Variants in BARX2 observed in about 807,000 individuals in gnomAD.
BARX2 encodes the protein BARX homeobox 2.
Under a neutral mutation model 25.5 loss-of-function variants are expected in BARX2, and 11 were observed. The observed-to-expected ratio is 0.43, with a 90% CI of 0.27 to 0.71. The LOEUF (loss-of-function observed/expected upper bound fraction) is 0.71. Among genes scored for constraint, BARX2 ranks in the 30% least tolerant of loss-of-function variants. BARX2 has a pLI of 0.19. For synonymous variants in BARX2, 137 were observed against 149.5 expected (o/e 0.92, Z 0.61); for missense variants, 360 against 359.9 (o/e 1.00, Z 0.00).
At chr11:129,378,665 A>G (rs1430325095) in intron 1 of BARX2, among the ~76,000 whole-genome samples, 1 of 150,232 alleles carries the variant, frequency 6.7e-6, no homozygotes, top group African/African-American at 2.4e-5. Flanking sequence ...TTGGAATTAA[A>G]GTTACTGAAC....
chr11:129,402,496 C>T (rs1039833011), intron 1 of BARX2, among the ~76,000 whole-genome samples: 2 of 151,958 alleles, frequency 1.3e-5, no homozygotes, highest in African/African-American at 2.4e-5. Flanking sequence ...CTAGGCAGGC[C>T]GTTTAATATT....
At chr11:129,401,347 G>A (rs1280085290) in intron 1 of BARX2, among the ~76,000 whole-genome samples, 2 of 152,170 alleles carry the variant, frequency 1.3e-5, no homozygotes, top group Non-Finnish European at 2.9e-5. Context: ...GACAGTTTGA[G>A]GTTTATGAGG....
rs972972514 is a variant in BARX2, at chr11:129,416,622, C to T, written c.188-20129C>T. Among the ~76,000 whole-genome samples the T allele has an allele frequency of 5.9e-5, 9 of 152,246 alleles. No homozygotes were observed. In the East Asian group the frequency reaches 7.7e-4, roughly 13 times the overall value. On this transcript the variant is annotated intron_variant, in intron 1 of 3. Transcript: ENST00000281437. The stretch of plus-strand genomic sequence containing the variant: ...GGGGGCTGGTCATTTCCTCCTTGAA[C>T]TCTGACCTGCTAGAAGCTCTAATGA...
At chr11:129,417,900 A>G (rs1861962239) in intron 1 of BARX2, among the ~76,000 whole-genome samples, 1 of 152,186 alleles carries the variant, frequency 6.6e-6, no homozygotes, top group African/African-American at 2.4e-5. Flanking sequence ...TCTGGTACCC[A>G]TCTTATTAAG....
intron 1 of BARX2, among the ~76,000 whole-genome samples, chr11:129,404,846 C>A (rs1299248394): frequency 6.6e-6 from 1 of 152,180 alleles, no homozygotes; most frequent in Non-Finnish European, 1.5e-5. Flanking sequence ...ATGGAGCACT[C>A]TCTCAGCCTG....
At chr11:129,435,635 A>C (rs1293095236) in intron 1 of BARX2, among the ~76,000 whole-genome samples, 5 of 152,186 alleles carry the variant, frequency 3.3e-5, no homozygotes, top group African/African-American at 1.2e-4. Context: ...GGGGAGGATG[A>C]GAGGTCCTTT....
chr11:129,432,966 A>AT (rs1213544140), intron 1 of BARX2, among the ~76,000 whole-genome samples: 1 of 151,662 alleles, frequency 6.6e-6, no homozygotes, highest in Non-Finnish European at 1.5e-5. Flanking sequence ...GTATTTCTTC[A>AT]TTTTTTTATT....
intron 1 of BARX2, among the ~76,000 whole-genome samples, chr11:129,385,265 A>G (rs1251511402): frequency 6.6e-6 from 1 of 152,212 alleles, no homozygotes; most frequent in Non-Finnish European, 1.5e-5. Flanking sequence ...GCAGACGCAC[A>G]TACCCTAGGG....
intron 3 of BARX2, 23 bp from the exon 4 acceptor site, chr11:129,451,113 A>G (rs367720180): frequency 8.7e-6 from 14 of 1,603,012 alleles, no homozygotes; most frequent in South Asian, 2.2e-5. Context: ...CTTAGATTCA[A>G]TAACAATTTT....
chr11:129,395,051 T>C (rs1039839428), intron 1 of BARX2, among the ~76,000 whole-genome samples: 2 of 152,102 alleles, frequency 1.3e-5, no homozygotes, highest in East Asian at 1.9e-4. Flanking sequence ...AAACTAGCTA[T>C]ATGAATCTGT....
intron 1 of BARX2, among the ~76,000 whole-genome samples, chr11:129,416,987 C>T (rs113554759): frequency 0.038 from 5,788 of 151,722 alleles, 359 homozygotes; most frequent in African/African-American, 0.13. Context: ...CTGCAAGCTC[C>T]GCCTCCCGGG....
chr11:129,386,032 G>A (rs1861614230), intron 1 of BARX2, among the ~76,000 whole-genome samples: 2 of 152,180 alleles, frequency 1.3e-5, no homozygotes, highest in African/African-American at 4.8e-5. Context: ...TCTGAAAGTG[G>A]CTTTTGGATC....
chr11:129,404,843 ACT>A (rs1397420078), intron 1 of BARX2, among the ~76,000 whole-genome samples: 2 of 151,876 alleles, frequency 1.3e-5, no homozygotes, highest in Non-Finnish European at 2.9e-5. Context: ...TGAATGGAGC[ACT>A]CTCTCAGCCT....
chr11:129,392,175 C>T (rs1186625973), intron 1 of BARX2, among the ~76,000 whole-genome samples: 1 of 152,180 alleles, frequency 6.6e-6, no homozygotes, highest in East Asian at 1.9e-4. Context: ...TCTAGTTGCT[C>T]TCTTATTTAC....
chr11:129,416,686 A>G (rs1327348873), intron 1 of BARX2, among the ~76,000 whole-genome samples: 1 of 151,982 alleles, frequency 6.6e-6, no homozygotes, highest in Non-Finnish European at 1.5e-5. Context: ...TTTAGTTTAT[A>G]TTTAAATACT....
At chr11:129,417,677 G>C (rs1337230058) in intron 1 of BARX2, among the ~76,000 whole-genome samples, 1 of 152,216 alleles carries the variant, frequency 6.6e-6, no homozygotes, top group African/African-American at 2.4e-5. Flanking sequence ...GTTACACTTG[G>C]TGTGGGAACT....
At chr11:129,406,068 C>T (rs1336170149) in intron 1 of BARX2, among the ~76,000 whole-genome samples, 1 of 152,190 alleles carries the variant, frequency 6.6e-6, no homozygotes, top group Middle Eastern at 3.4e-3. Context: ...ATATTTGTTA[C>T]CTACTGAGCA....
chr11:129,425,713 T>C (rs966834025), intron 1 of BARX2, among the ~76,000 whole-genome samples: 1 of 152,218 alleles, frequency 6.6e-6, no homozygotes, highest in Non-Finnish European at 1.5e-5. Context: ...GGCTTGTCTC[T>C]GCAAAGTGAA....
chr11:129,398,179 G>A (rs932119021), intron 1 of BARX2, among the ~76,000 whole-genome samples: 4 of 152,176 alleles, frequency 2.6e-5, no homozygotes, highest in African/African-American at 4.8e-5. Context: ...CTGTAGTTAC[G>A]TGGTTTTGGA....
Sources: allele counts gnomAD v4.1 joint callset (sites outside exome capture counted in the v4.1 genomes callset), GRCh38; gene constraint gnomAD v4.1.1; transcripts MANE v1.5; gene names NCBI Gene and HGNC (gene_info 2026-07-23, HGNC 2026-07-21).